Variants in MYH10 observed in about 807,000 individuals in gnomAD.
MYH10 encodes myosin heavy chain 10.
A neutral mutation model predicts 257.8 loss-of-function variants in MYH10; 55 were observed. The ratio of observed to expected loss-of-function variants is 0.21; its 90% confidence interval spans 0.17 to 0.27. The LOEUF is 0.27. MYH10 is among the 10% of genes least tolerant of loss of function. MYH10 has a pLI of 1.00. For missense variants in MYH10, 1,631 were observed against 2,500.6 expected (o/e 0.65, Z 7.42); for synonymous variants, 854 against 921.7 (o/e 0.93, Z 1.33).
rs370383494 is a variant in MYH10, at chr17:8,480,125, A to C, written c.5582T>G (p.Leu1861Arg). 11 of 1,614,064 alleles carry C rather than the reference A, an allele frequency of 6.8e-6. No individual in the cohort carries two copies. Among genetic ancestry groups the C allele is most frequent in the Non-Finnish European group, 9.3e-6 (11 of 1,180,034 alleles). The change falls in exon 40 of 43, where the codon CTT becomes CGT. Residue 1861 changes from leucine (L) to arginine (R), a missense_variant. This residue lies in a region of MYH10 where 343 missense variants were observed against 389.5 expected (regional missense o/e 0.88). Transcript: ENST00000360416. ...AACCTCTTACTTGGCTTCCTGCTCA[A>C]GCTGCTCCTCCAGCTGCCCAATCTT... ...EAKIGQLEEQ[L>R]EQEAKERAAA...
intron 7 of MYH10, among the ~76,000 whole-genome samples, chr17:8,568,627 G>C (rs1327926827): frequency 1.3e-5 from 2 of 152,136 alleles, no homozygotes; most frequent in Non-Finnish European, 2.9e-5. Context: ...CAACTTAAGT[G>C]GAAATAATTG....
intron 3 of MYH10, among the ~76,000 whole-genome samples, chr17:8,598,981 A>G (rs2084492876): frequency 6.6e-6 from 1 of 152,242 alleles, no homozygotes; most frequent in African/African-American, 2.4e-5. Context: ...TCCTGAGATT[A>G]CAGGCGTGAG....
intron 6 of MYH10, among the ~76,000 whole-genome samples, chr17:8,574,237 G>A (rs2083433122): frequency 6.6e-6 from 1 of 152,192 alleles, no homozygotes; most frequent in Non-Finnish European, 1.5e-5. Flanking sequence ...GCTAGAATCT[G>A]GATGAACCTT....
At chr17:8,572,930 A>T (rs1021697579) in intron 6 of MYH10, among the ~76,000 whole-genome samples, 1 of 152,236 alleles carries the variant, frequency 6.6e-6, no homozygotes, top group African/African-American at 2.4e-5. Context: ...GTGCTAACAG[A>T]TCTCAACCAA....
At position 8,552,117 on chromosome 17, in the gene MYH10, C is replaced by A; in HGVS notation, c.848G>T (p.Arg283Leu). 6.4e-7 allele frequency: 1 copy of A among 1,561,078 alleles called. No homozygotes were observed. Among genetic ancestry groups the A allele is most frequent in the Non-Finnish European group, 8.7e-7 (1 of 1,149,012 alleles). The change falls in exon 9 of 43, where the codon CGT becomes CTT. Residue 283 changes from arginine (R) to leucine (L), a missense_variant. By Grantham distance (102) the Arg-to-Leu change is moderately radical (BLOSUM62 -2). This residue lies in a region of MYH10 where 360 missense variants were observed against 581.9 expected (regional missense o/e 0.62). Coordinates refer to ENST00000360416, the MANE Select transcript of MYH10 (RefSeq NM_001256012.3). This position sits in a 1 kb window ranked among gnomAD's most constrained non-coding sequence, Gnocchi z 4.8. Reference sequence around the variant, plus strand: ...AAAAGTACGTTCATCTTTTGCTTGACGAACAGCACGAGACTTTTCCAGAAG... The same window carrying A: ...AAAAGTACGTTCATCTTTTGCTTGAAGAACAGCACGAGACTTTTCCAGAAG... ...TYLLEKSRAVRQAKDERTFHI... is the reference protein window; with the variant it reads ...TYLLEKSRAVLQAKDERTFHI...
intron 29 of MYH10, among the ~76,000 whole-genome samples, chr17:8,500,075 G>A (rs1431021690): frequency 6.6e-6 from 1 of 152,218 alleles, no homozygotes; most frequent in East Asian, 1.9e-4. Context: ...TTGTAGCAAA[G>A]ATTAAGGAAG....
intron 1 of MYH10, among the ~76,000 whole-genome samples, chr17:8,625,090 A>G (rs1237713692): frequency 1.3e-5 from 2 of 152,072 alleles, no homozygotes; most frequent in Non-Finnish European, 2.9e-5. Flanking sequence ...CTCCACCAAA[A>G]ATAACAAAAA....
intron 35 of MYH10, among the ~76,000 whole-genome samples, chr17:8,489,780 G>A (rs1474487038): frequency 6.7e-6 from 1 of 149,870 alleles, no homozygotes; most frequent in Admixed American, 6.6e-5. Flanking sequence ...TGAACTGGAA[G>A]GGACTGGCAA....
At chr17:8,487,067 A>G (rs1459167250) in intron 36 of MYH10, among the ~76,000 whole-genome samples, 1 of 152,206 alleles carries the variant, frequency 6.6e-6, no homozygotes, top group Non-Finnish European at 1.5e-5. Flanking sequence ...AAACTGGCAC[A>G]TCATCTGGGT....
intron 3 of MYH10, among the ~76,000 whole-genome samples, chr17:8,590,733 C>T (rs772169528): frequency 2.6e-5 from 4 of 152,138 alleles, no homozygotes; most frequent in Non-Finnish European, 4.4e-5. Context: ...AGAGATCACA[C>T]TATATCCTTT....
chr17:8,622,988 C>T lies in MYH10; in HGVS notation c.259G>A (p.Val87Met), dbSNP rs1237550113. Residue 87 changes from valine to methionine, a missense_variant, in exon 2 of 43, where the codon GTG becomes ATG. Around this residue, in one of 11 missense-constraint regions of MYH10, gnomAD observed 360 missense variants for 581.9 expected, o/e 0.62. Coordinates refer to ENST00000360416, the MANE Select transcript of MYH10 (RefSeq NM_001256012.3). The stretch of plus-strand genomic sequence containing the variant: ...CATGTCAATTCTGCCATATCCTCCA[C>T]CTTGGAAAACTTAGGTGGGTTCATC... The part of the protein sequence containing the change: ...QKMNPPKFSK[V>M]EDMAELTCLN... 6.2e-7 allele frequency: 1 copy of T among 1,614,068 alleles called. No individual in the cohort carries two copies. The highest frequency in any genetic ancestry group is 8.5e-7 in the Non-Finnish European group (1 of 1,180,028).
chr17:8,580,657 C>T (rs268457), intron 4 of MYH10, among the ~76,000 whole-genome samples: 146,742 of 152,234 alleles, frequency 0.96, 70,955 homozygotes, highest in East Asian at 1. Context: ...ATCACCATTA[C>T]ATTTTCTACC....
In MYH10 at chr17:8,589,112, T is replaced by C. The variant is rs746785076; in HGVS notation, c.503-4A>G. On this transcript the variant is annotated splice_region_variant and splice_polypyrimidine_tract_variant and intron_variant, in intron 3 of 42. Coordinates refer to ENST00000360416, the MANE Select transcript of MYH10 (RefSeq NM_001256012.3). The stretch of plus-strand genomic sequence containing the variant: ...AGAATTGACTGGTCCTCACGATCTA[T>C]AAAACAGAACAAAACAAACAAAAAA... 3 of 1,612,998 alleles carry C rather than the reference T, an allele frequency of 1.9e-6. No individual in the cohort carries two copies. Among genetic ancestry groups the C allele is most frequent in the Non-Finnish European group, 2.5e-6 (3 of 1,179,494 alleles).
intron 17 of MYH10, among the ~76,000 whole-genome samples, chr17:8,526,285 G>A (rs1403675672): frequency 6.6e-6 from 1 of 152,178 alleles, no homozygotes; most frequent in Non-Finnish European, 1.5e-5. Flanking sequence ...AGAAACCAGA[G>A]AAAGGCAGAA....
chr17:8,480,047 C>T (rs1913430233), intron 40 of MYH10, 63 bp downstream of exon 40: 8 of 1,551,132 alleles, frequency 5.2e-6, no homozygotes, highest in Middle Eastern at 1.7e-4. Context: ...AGGGGCATGC[C>T]TGTTTTGTCT....
intron 14 of MYH10, among the ~76,000 whole-genome samples, chr17:8,538,907 G>A (rs1170846457): frequency 1.3e-5 from 2 of 152,278 alleles, no homozygotes; most frequent in African/African-American, 4.8e-5. Context: ...CGTGTTGAGA[G>A]ATAAGACCTT....
intron 1 of MYH10, among the ~76,000 whole-genome samples, chr17:8,629,497 A>C (rs2085817548): frequency 6.6e-6 from 1 of 151,946 alleles, no homozygotes; most frequent in Non-Finnish European, 1.5e-5. Flanking sequence ...CCTCCTTCCT[A>C]AGGCCCTAGT....
intron 16 of MYH10, among the ~76,000 whole-genome samples, chr17:8,534,165 T>C (rs2082079264): frequency 6.6e-6 from 1 of 152,158 alleles, no homozygotes; most frequent in South Asian, 2.1e-4. Flanking sequence ...CTGCTTCTCT[T>C]CCCAGTCCTC....
chr17:8,488,502 T>C (rs116249159), intron 35 of MYH10, among the ~76,000 whole-genome samples: 1,829 of 152,322 alleles, frequency 0.012, 32 homozygotes, highest in African/African-American at 0.042. Context: ...TTTATTAAGG[T>C]ATAGGTCATA....
Sources: gnomAD v4.1 joint callset for allele counts (sites outside exome capture counted in the v4.1 genomes callset) on GRCh38, gnomAD v4.1.1 for gene constraint, gnomAD v4.1.1 regional missense constraint, Gnocchi (gnomAD v3.1) non-coding constraint, MANE v1.5 for transcripts, NCBI Gene and HGNC (gene_info 2026-07-23, HGNC 2026-07-21) for gene names.